Variants in RNF150 observed in about 807,000 individuals in gnomAD.
The protein encoded by RNF150 is ring finger protein 150.
Under a neutral mutation model 39.3 loss-of-function variants are expected in RNF150, and 24 were observed. The observed-to-expected ratio is 0.61, with a 90% CI of 0.44 to 0.86. The LOEUF is 0.86. Ranked by LOEUF, RNF150 falls within the 40% of genes least tolerant of loss-of-function variation. RNF150 has a pLI of 0.00. For missense variants in RNF150, 502 were observed against 587.8 expected (o/e 0.85, Z 1.51); for synonymous variants, 255 against 227.3 (o/e 1.12, Z -1.10).
At chr4:141,117,317 A>AT (rs1739581651) in intron 1 of RNF150, among the ~76,000 whole-genome samples, 1 of 152,286 alleles carries the variant, frequency 6.6e-6, no homozygotes, top group Non-Finnish European at 1.5e-5. Context: ...CAAATTATCA[A>AT]TTTTTGTGGG....
intron 1 of RNF150, among the ~76,000 whole-genome samples, chr4:141,065,552 G>A (rs1737421123): frequency 2.0e-5 from 1 of 50,944 alleles, no homozygotes; most frequent in South Asian, 3.8e-4. Context: ...TTATTTATTT[G>A]TAATTTTTTT....
intron 6 of RNF150, among the ~76,000 whole-genome samples, chr4:140,882,427 G>C (rs1409201756): frequency 3.3e-5 from 5 of 152,074 alleles, no homozygotes; most frequent in African/African-American, 1.2e-4. Context: ...GGAGTGTCCT[G>C]TATATGTCTG....
intron 1 of RNF150, among the ~76,000 whole-genome samples, chr4:141,095,327 A>G (rs1738731448): frequency 1.3e-5 from 2 of 152,206 alleles, no homozygotes; most frequent in South Asian, 2.1e-4. Flanking sequence ...GGGGCAGGCA[A>G]TATGACAGGA....
intron 5 of RNF150, among the ~76,000 whole-genome samples, chr4:140,921,293 C>G (rs1418912060): frequency 6.6e-6 from 1 of 151,524 alleles, no homozygotes; most frequent in Admixed American, 6.6e-5. Flanking sequence ...GATATCACCA[C>G]CGATCCCACA....
intron 2 of RNF150, among the ~76,000 whole-genome samples, chr4:140,959,929 G>C (rs1732949221): frequency 6.6e-6 from 1 of 152,126 alleles, no homozygotes; most frequent in South Asian, 2.1e-4. Context: ...CTCTCCCCAA[G>C]TGAGCTCATC....
intron 6 of RNF150, among the ~76,000 whole-genome samples, chr4:140,897,195 A>G (rs1729993859): frequency 6.6e-6 from 1 of 152,190 alleles, no homozygotes; most frequent in Non-Finnish European, 1.5e-5. Context: ...AGTTTGACTG[A>G]AGAGAATGTT....
At chr4:140,980,339 G>A (rs998690772) in intron 1 of RNF150, among the ~76,000 whole-genome samples, 1 of 151,980 alleles carries the variant, frequency 6.6e-6, no homozygotes, top group African/African-American at 2.4e-5. Context: ...CACCATGCCC[G>A]ATCCCCTTTA....
rs1728641846 is a variant in RNF150 at position 140,864,940 on chromosome 4, C to CCTCT, written c.*3317_*3320dup. ...CTTTATTCACTACAAAATAAATGGA[C>CCTCT]CTCTGGGCCTCTCATTAGGCGACTT... On this transcript the variant is annotated 3_prime_UTR_variant, in exon 7 of 7. Coordinates refer to ENST00000515673, the MANE Select transcript of RNF150 (RefSeq NM_020724.2). 6.6e-6 allele frequency: 1 copy of CCTCT among 152,128 alleles called. No individual in the cohort carries two copies. The highest frequency in any genetic ancestry group is 1.5e-5 in the Non-Finnish European group (1 of 68,034). The allele number at this position is 152,128 out of a possible 1,614,324, so 9.4% of individuals were successfully genotyped here.
chr4:141,078,481 T>C (rs1737989721), intron 1 of RNF150, among the ~76,000 whole-genome samples: 1 of 151,914 alleles, frequency 6.6e-6, no homozygotes, highest in South Asian at 2.1e-4. Flanking sequence ...TGTTAGTTTT[T>C]TTAAAAAAGA....
intron 6 of RNF150, among the ~76,000 whole-genome samples, chr4:140,908,807 A>G (rs979221756): frequency 2.0e-5 from 3 of 152,164 alleles, no homozygotes; most frequent in Non-Finnish European, 4.4e-5. Context: ...TTAAATTAAA[A>G]TGCTTTCTCA....
chr4:140,985,186 A>G (rs2111465685), intron 1 of RNF150, among the ~76,000 whole-genome samples: 1 of 152,322 alleles, frequency 6.6e-6, no homozygotes, highest in East Asian at 1.9e-4. Context: ...ACAAAGAGAA[A>G]GAAAACAGCG....
intron 1 of RNF150, among the ~76,000 whole-genome samples, chr4:140,970,544 T>C (rs73857152): frequency 0.018 from 2,601 of 146,272 alleles, 70 homozygotes; most frequent in African/African-American, 0.061. Flanking sequence ...CTTCTGGACC[T>C]GGACAGCTTG....
chr4:141,064,296 T>C (rs1285634683), intron 1 of RNF150, among the ~76,000 whole-genome samples: 2 of 152,236 alleles, frequency 1.3e-5, no homozygotes, highest in African/African-American at 2.4e-5. Context: ...AAACGTACAC[T>C]ACTCTGCCTG....
At chr4:141,093,019 C>G (rs1054222835) in intron 1 of RNF150, among the ~76,000 whole-genome samples, 1 of 152,048 alleles carries the variant, frequency 6.6e-6, no homozygotes, top group African/African-American at 2.4e-5. Flanking sequence ...TTGAGCCAGA[C>G]CCATGGGGGA....
rs138911991 is a variant in RNF150 at position 140,995,792 on chromosome 4, G to C, written c.485-27919C>G. Among the ~76,000 whole-genome samples the C allele has an allele frequency of 8.5e-3, 1,291 of 152,202 alleles. 20 individuals are homozygous for C. The highest frequency in any genetic ancestry group is 0.028 in the African/African-American group (1,144 of 41,518). ...GCTCTCCAGTTCCATCCATATTGTT[G>C]CAAATGACAGGATATCATCTTTTTT... is the stretch of plus-strand genomic sequence containing the variant. On this transcript the variant is annotated intron_variant, in intron 1 of 6. Transcript: ENST00000515673.
At chr4:141,012,311 C>T (rs756793978) in intron 1 of RNF150, among the ~76,000 whole-genome samples, 2 of 152,172 alleles carry the variant, frequency 1.3e-5, no homozygotes, top group Non-Finnish European at 2.9e-5. Flanking sequence ...CAATAAGAAG[C>T]TGGCTGTGAA....
At chr4:140,974,322 A>AG (rs1456596927) in intron 1 of RNF150, among the ~76,000 whole-genome samples, 1 of 152,210 alleles carries the variant, frequency 6.6e-6, no homozygotes, top group Admixed American at 6.5e-5. Flanking sequence ...TATCCAAACA[A>AG]GCATGTATCA....
chr4:141,204,427 T>C (rs181845988), intron 1 of RNF150, among the ~76,000 whole-genome samples: 1 of 152,340 alleles, frequency 6.6e-6, no homozygotes, highest in Non-Finnish European at 1.5e-5. Flanking sequence ...ATTGCCTTCA[T>C]GTTCTTCTTA....
chr4:141,071,631 A>G (rs538453067), intron 1 of RNF150, among the ~76,000 whole-genome samples: 1 of 152,286 alleles, frequency 6.6e-6, no homozygotes, highest in Non-Finnish European at 1.5e-5. Context: ...TCTGAGTGTG[A>G]TTACATTCTC....
Sources: allele counts gnomAD v4.1 joint callset (sites outside exome capture counted in the v4.1 genomes callset), GRCh38; gene constraint gnomAD v4.1.1; transcripts MANE v1.5; gene names NCBI Gene and HGNC (gene_info 2026-07-23, HGNC 2026-07-21).